ARHGAP28: variants seen among roughly 807,000 people sequenced by gnomAD.
ARHGAP28 encodes rho GTPase-activating protein 28.
A neutral mutation model predicts 90.7 loss-of-function variants in ARHGAP28; 56 were observed. The ratio of observed to expected loss-of-function variants is 0.62; its 90% CI spans 0.50 to 0.77. ARHGAP28 has a LOEUF of 0.77. ARHGAP28 is among the 30% of genes least tolerant of loss of function. ARHGAP28 has a pLI of 0.00. For missense variants in ARHGAP28, 869 were observed against 900.9 expected (o/e 0.96, Z 0.45); for synonymous variants, 308 against 323.3 (o/e 0.95, Z 0.51).
intron 1 of ARHGAP28, among the ~76,000 whole-genome samples, chr18:6,812,495 G>A (rs944589561): frequency 3.3e-5 from 5 of 152,064 alleles, no homozygotes; most frequent in South Asian, 2.1e-4. Context: ...GAAAATGAGC[G>A]GACAGGAAGG....
At chr18:6,794,648 C>T (rs1314233093) in intron 1 of ARHGAP28, among the ~76,000 whole-genome samples, 1 of 152,132 alleles carries the variant, frequency 6.6e-6, no homozygotes, top group African/African-American at 2.4e-5. Context: ...TTCAATAGAT[C>T]TTGAGACTCT....
intron 9 of ARHGAP28, chr18:6,874,810 C>T (rs2057118345): frequency 6.6e-6 from 1 of 152,026 alleles, no homozygotes; most frequent in Non-Finnish European, 1.5e-5. Flanking sequence ...CTTCCCTAGG[C>T]AGGGCTGTGC....
chr18:6,882,213 C>T lies in ARHGAP28; in HGVS notation c.1367C>T (p.Ala456Val). 1 of 1,613,992 alleles carries T rather than the reference C, an allele frequency of 6.2e-7. No homozygotes were observed. The highest frequency in any genetic ancestry group is 2.2e-5 in the East Asian group (1 of 44,850). The change falls in exon 11 of 18, where the codon GCA becomes GTA. Residue 456 changes from alanine (A) to valine (V), a missense_variant. By Grantham distance (64) the Ala-to-Val change is moderately conservative. Transcript: ENST00000383472. ...GACAAAATGTGCCATAGAGAAGCTG[C>T]AGTAATGTTGAAAGCGTTTTTCAGA... Reference protein sequence around the residue: ...KWDKMCHREAAVMLKAFFREL... With the variant: ...KWDKMCHREAVVMLKAFFREL...
At chr18:6,745,188 AT>A (rs2056012365) in intron 1 of ARHGAP28, among the ~76,000 whole-genome samples, 1 of 151,988 alleles carries the variant, frequency 6.6e-6, no homozygotes, top group Non-Finnish European at 1.5e-5. Flanking sequence ...TTTTTTCCTC[AT>A]TTTCTGCTTT....
At chr18:6,790,455 G>A (rs564256209) in intron 1 of ARHGAP28, 30 of 152,230 alleles carry the variant, frequency 2.0e-4, no homozygotes, top group African/African-American at 5.8e-4. Flanking sequence ...TGTCAGACTC[G>A]GTAAATGGTA....
At chr18:6,758,662 G>A (rs755185941) in intron 1 of ARHGAP28, among the ~76,000 whole-genome samples, 8 of 152,180 alleles carry the variant, frequency 5.3e-5, no homozygotes, top group Non-Finnish European at 1.2e-4. Context: ...AAAACCAGAA[G>A]GGAAAGGGTG....
At chr18:6,768,839 G>T (rs985732777) in intron 1 of ARHGAP28, among the ~76,000 whole-genome samples, 1 of 152,042 alleles carries the variant, frequency 6.6e-6, no homozygotes, top group Non-Finnish European at 1.5e-5. Flanking sequence ...CGGTTCATCC[G>T]GGTGGAAAGC....
In ARHGAP28 at chr18:6,752,200, G is replaced by A. The variant is rs564615551; in HGVS notation, c.122+22257G>A. On this transcript the variant is annotated intron_variant, in intron 1 of 17. Coordinates refer to ENST00000383472, the MANE Select transcript of ARHGAP28 (RefSeq NM_001366230.1). Reference sequence around the variant, plus strand: ...CCATTCACCCTTGGTAGACTAATAAGGTTTCTACTGAGCCGTGTTTTTTAT... The same window carrying A: ...CCATTCACCCTTGGTAGACTAATAAAGTTTCTACTGAGCCGTGTTTTTTAT... Among the ~76,000 whole-genome samples, 46 of 152,240 alleles carry A rather than the reference G, an allele frequency of 3.0e-4. 1 individual carries two copies. The highest frequency in any genetic ancestry group is 1.1e-3 in the African/African-American group (46 of 41,540).
chr18:6,869,676 AT>A (rs2092002152), intron 6 of ARHGAP28, among the ~76,000 whole-genome samples: 2 of 152,294 alleles, frequency 1.3e-5, no homozygotes, highest in East Asian at 3.9e-4. Flanking sequence ...CCTAATTTTA[AT>A]GTAAAATTAA....
chr18:6,797,617 G>C lies in ARHGAP28; in HGVS notation c.123-27145G>C, dbSNP rs371515409. 1.6e-4 allele frequency among the ~76,000 whole-genome samples: 24 copies of C among 151,930 alleles called. No individual in the cohort carries two copies. The East Asian group carries it at 2.5e-3, about 16-fold the overall frequency. ...CTACAATTTGGAGGCCTATGAGAAG[G>C]GGAACTAGAGAACAGTGATTAACTT... On this transcript the variant is annotated intron_variant, in intron 1 of 17. Coordinates refer to ENST00000383472, the MANE Select transcript of ARHGAP28 (RefSeq NM_001366230.1).
intron 3 of ARHGAP28, among the ~76,000 whole-genome samples, chr18:6,840,999 A>G (rs2056803643): frequency 6.6e-6 from 1 of 152,042 alleles, no homozygotes; most frequent in South Asian, 2.1e-4. Flanking sequence ...TGTTTTTGCA[A>G]GAAATTTGGA....
intron 14 of ARHGAP28, among the ~76,000 whole-genome samples, chr18:6,892,547 C>CT (rs953239605): frequency 1.7e-4 from 26 of 151,964 alleles, no homozygotes; most frequent in Admixed American, 5.2e-4. Context: ...ATTTCCTTGA[C>CT]TTTTTTTTAC....
intron 11 of ARHGAP28, among the ~76,000 whole-genome samples, chr18:6,886,529 G>A (rs1188289914): frequency 1.3e-5 from 2 of 152,142 alleles, no homozygotes; most frequent in Middle Eastern, 3.2e-3. Context: ...TCTAGAATAA[G>A]TGTCATAGAT....
Position 6,834,751 on chromosome 18 carries a change from C to T in ARHGAP28, c.326-2446C>T, listed in dbSNP as rs540524558. On this transcript the variant is annotated intron_variant, in intron 2 of 17. Coordinates refer to ENST00000383472, the MANE Select transcript of ARHGAP28 (RefSeq NM_001366230.1). ...AGGTGGACCTTTTGAGTAGTAATAACGAGGCAATATGAAAAGGCCTTGGGG... is the reference window on the plus strand; with the variant it reads ...AGGTGGACCTTTTGAGTAGTAATAATGAGGCAATATGAAAAGGCCTTGGGG... Among the ~76,000 whole-genome samples the T allele has an allele frequency of 8.5e-5, 13 of 152,106 alleles. No individual in the cohort carries two copies. The South Asian group carries it at 1.3e-3, about 15-fold the overall frequency.
intron 2 of ARHGAP28, among the ~76,000 whole-genome samples, chr18:6,825,398 A>G (rs2056654886): frequency 6.6e-6 from 1 of 152,208 alleles, no homozygotes; most frequent in Non-Finnish European, 1.5e-5. Flanking sequence ...TATAATTGTG[A>G]AGAAGAAAAA....
At position 6,824,820 on chromosome 18, in the gene ARHGAP28, C is replaced by T; in HGVS notation, c.181C>T (p.Pro61Ser). The T allele has an allele frequency of 2.0e-6, 3 of 1,536,532 alleles. No homozygotes were observed. Among genetic ancestry groups the T allele is most frequent in the Non-Finnish European group, 2.6e-6 (3 of 1,147,004 alleles). The stretch of plus-strand genomic sequence containing the variant: ...GATGCTCTCCAATGAATCCCTCCAT[C>T]CTCCTGCCTTCAGCCGTTCCAACTC... ...NRMLSNESLH[P>S]PAFSRSNSEA... is the part of the protein sequence containing the mutation. Residue 61 changes from proline to serine, a missense_variant, in exon 2 of 18, where the codon CCT (proline) becomes TCT (serine). Coordinates refer to ENST00000383472, the MANE Select transcript of ARHGAP28 (RefSeq NM_001366230.1).
chr18:6,827,320 A>ATCC (rs1331457514), intron 2 of ARHGAP28, among the ~76,000 whole-genome samples: 1 of 132,020 alleles, frequency 7.6e-6, no homozygotes, highest in South Asian at 2.6e-4. Context: ...CGGGGGGCTG[A>ATCC]ACCCTCCACC....
At chr18:6,803,787 T>C (rs1487754656) in intron 1 of ARHGAP28, among the ~76,000 whole-genome samples, 1 of 151,968 alleles carries the variant, frequency 6.6e-6, no homozygotes, top group East Asian at 1.9e-4. Context: ...TTTTATTTAT[T>C]TATTTTTTTG....
intron 1 of ARHGAP28, among the ~76,000 whole-genome samples, chr18:6,745,497 G>A (rs773670223): frequency 1.3e-5 from 2 of 152,090 alleles, no homozygotes; most frequent in Non-Finnish European, 2.9e-5. Flanking sequence ...TTTAAAAATC[G>A]AGGTATACTT....
Sources: gnomAD v4.1 joint callset for allele counts (sites outside exome capture counted in the v4.1 genomes callset) on GRCh38, gnomAD v4.1.1 for gene constraint, MANE v1.5 for transcripts, NCBI Gene and HGNC (gene_info 2026-07-23, HGNC 2026-07-21) for gene names.